The following WDPCP variants were observed in gnomAD, a reference collection of about 807,000 sequenced individuals.
WDPCP encodes WD repeat containing planar cell polarity effector, also known as WD repeat-containing and planar cell polarity effector protein fritz homolog.
A neutral mutation model predicts 93.1 loss-of-function variants in WDPCP; 71 were observed. The observed-to-expected ratio is 0.76, with a 90% CI of 0.63 to 0.93. The LOEUF (loss-of-function observed/expected upper bound fraction) is 0.93. Among genes scored for constraint, WDPCP ranks in the 40% least tolerant of loss-of-function variants. WDPCP has a pLI of 0.00. For missense variants in WDPCP, 844 were observed against 887.4 expected, an observed-to-expected ratio of 0.95 and a Z score of 0.62; for synonymous variants, 315 against 315.0, an observed-to-expected ratio of 1.00 and a Z score of 0.00.
intron 10 of WDPCP, 59 bp from the exon 11 acceptor site, chr2:63,382,153 G>C: frequency 6.6e-7 from 1 of 1,525,254 alleles, no homozygotes. Context: ...ATAACAAAAA[G>C]AGTTAATTTT....
intron 2 of WDPCP, among the ~76,000 whole-genome samples, chr2:63,786,955 T>C (rs1670474408): frequency 6.6e-6 from 1 of 152,180 alleles, no homozygotes; most frequent in Non-Finnish European, 1.5e-5. Context: ...TCAATAAATA[T>C]ATGTCAAATG....
intron 2 of WDPCP, among the ~76,000 whole-genome samples, chr2:63,654,251 G>A (rs1331777990): frequency 6.6e-6 from 1 of 152,124 alleles, no homozygotes; most frequent in Non-Finnish European, 1.5e-5. Flanking sequence ...AAGCTAAAGA[G>A]AAGACAATAA....
chr2:63,249,841 C>CTGTT (rs1433916283), intron 14 of WDPCP, among the ~76,000 whole-genome samples: 2 of 152,196 alleles, frequency 1.3e-5, no homozygotes, highest in African/African-American at 2.4e-5. Context: ...GAACACCTTT[C>CTGTT]TGTTTGTGTC....
intron 2 of WDPCP, among the ~76,000 whole-genome samples, chr2:63,700,282 C>CAA (rs1196006011): frequency 0.011 from 446 of 41,106 alleles, 8 homozygotes; most frequent in African/African-American, 0.014. Flanking sequence ...GACCCTGTCT[C>CAA]AAAAAAAAAA....
At chr2:63,785,316 T>C (rs764542065) in intron 2 of WDPCP, among the ~76,000 whole-genome samples, 3 of 152,194 alleles carry the variant, frequency 2.0e-5, no homozygotes, top group Non-Finnish European at 4.4e-5. Context: ...ACACCTAGGC[T>C]GGCTACTTAG....
chr2:63,635,571 A>T (rs1208917160), intron 3 of WDPCP, among the ~76,000 whole-genome samples: 1 of 152,210 alleles, frequency 6.6e-6, no homozygotes, highest in African/African-American at 2.4e-5. Flanking sequence ...ATCAATAAAG[A>T]TGATACACCA....
At chr2:63,350,476 CA>C (rs33962210) in intron 12 of WDPCP, among the ~76,000 whole-genome samples, 76,697 of 143,876 alleles carry the variant, frequency 0.53, 19,930 homozygotes, top group Admixed American at 0.59. Context: ...CAACGAAACC[CA>C]AAAAAAAAAA....
chr2:63,702,871 C>T (rs1004500108), intron 2 of WDPCP, among the ~76,000 whole-genome samples: 2 of 151,878 alleles, frequency 1.3e-5, no homozygotes, highest in African/African-American at 4.8e-5. Flanking sequence ...TCCCTCCCCT[C>T]TCCCCCCACC....
intron 6 of WDPCP, among the ~76,000 whole-genome samples, chr2:63,481,318 T>G (rs575489581): frequency 6.6e-6 from 1 of 152,228 alleles, no homozygotes; most frequent in East Asian, 1.9e-4. Flanking sequence ...ATAACTACTA[T>G]GGAAAACAGT....
At chr2:63,478,290 A>C (rs1303210057) in intron 6 of WDPCP, among the ~76,000 whole-genome samples, 1 of 152,158 alleles carries the variant, frequency 6.6e-6, no homozygotes, top group African/African-American at 2.4e-5. Flanking sequence ...ATCAAGACCA[A>C]GTCAAAAAAG....
chr2:63,716,890 A>T (rs1038052591), intron 2 of WDPCP, among the ~76,000 whole-genome samples: 7 of 152,268 alleles, frequency 4.6e-5, no homozygotes, highest in African/African-American at 1.4e-4. Context: ...ACAGCCAATC[A>T]GTAGCAGAAC....
At chr2:63,491,902 C>T (rs1018657071) in intron 2 of WDPCP, among the ~76,000 whole-genome samples, 1 of 152,170 alleles carries the variant, frequency 6.6e-6, no homozygotes, top group African/African-American at 2.4e-5. Flanking sequence ...ATTCCTCTTT[C>T]CCTCCCATCT....
intron 2 of WDPCP, among the ~76,000 whole-genome samples, chr2:63,740,380 T>C (rs1273072297): frequency 6.6e-6 from 1 of 152,154 alleles, no homozygotes; most frequent in Non-Finnish European, 1.5e-5. Context: ...AAGAGAGATT[T>C]GACTAGATTT....
At chr2:63,197,895 C>CTT (rs1675578199) in intron 14 of WDPCP, among the ~76,000 whole-genome samples, 1 of 152,124 alleles carries the variant, frequency 6.6e-6, no homozygotes, top group African/African-American at 2.4e-5. Context: ...TCTCTGTAAT[C>CTT]TTAGTTAAAT....
rs896841831 is a variant in WDPCP at position 63,223,914 on chromosome 2, A to G, written c.1915+35393T>C. On this transcript the variant is annotated intron_variant, in intron 14 of 17. Coordinates refer to ENST00000272321, the MANE Select transcript of WDPCP (RefSeq NM_015910.7). ...GGTCTGTTTGTCTATTCTTGCATCAATATCACTATTCAATTACTATAGACT... is the reference window on the plus strand; with the variant it reads ...GGTCTGTTTGTCTATTCTTGCATCAGTATCACTATTCAATTACTATAGACT... 4.6e-5 allele frequency among the ~76,000 whole-genome samples: 7 copies of G among 152,176 alleles called. No individual in the cohort carries two copies. The East Asian group carries it at 9.7e-4, about 21-fold the overall frequency.
Position 63,683,802 on chromosome 2 carries a change from T to C in WDPCP, n.309-32964A>G, listed in dbSNP as rs549989689. Among the ~76,000 whole-genome samples the C allele has an allele frequency of 1.4e-4, 21 of 151,852 alleles. No individual in the cohort carries two copies. In the South Asian group the frequency reaches 3.3e-3, roughly 24 times the overall value. On this transcript the variant is annotated intron_variant and non_coding_transcript_variant, in intron 2 of 4. Coordinates refer to the WDPCP transcript ENST00000467687. Reference sequence around the variant, plus strand: ...AGGCGGAGGTTGCAGTGAGCCAAGATTGTGCCACTGCACTCCAGCCTGGGT... The same window carrying C: ...AGGCGGAGGTTGCAGTGAGCCAAGACTGTGCCACTGCACTCCAGCCTGGGT...
chr2:63,235,881 C>A (rs900454584), intron 14 of WDPCP, among the ~76,000 whole-genome samples: 1 of 152,130 alleles, frequency 6.6e-6, no homozygotes, highest in Non-Finnish European at 1.5e-5. Flanking sequence ...AAACCCACAG[C>A]CAACATCGTA....
At chr2:63,271,314 A>G (rs1682620816) in intron 13 of WDPCP, among the ~76,000 whole-genome samples, 1 of 152,218 alleles carries the variant, frequency 6.6e-6, no homozygotes, top group Non-Finnish European at 1.5e-5. Flanking sequence ...GCACCATCCT[A>G]AGGCCTAAGG....
At chr2:63,504,488 T>C (rs1052512628) in intron 1 of WDPCP, among the ~76,000 whole-genome samples, 1 of 151,962 alleles carries the variant, frequency 6.6e-6, no homozygotes, top group African/African-American at 2.4e-5. Flanking sequence ...CCCCTTAATT[T>C]ATAAATATGG....
Sources: gnomAD v4.1 joint callset for allele counts (sites outside exome capture counted in the v4.1 genomes callset) on GRCh38, gnomAD v4.1.1 for gene constraint, MANE v1.5 for transcripts, NCBI Gene and HGNC (gene_info 2026-07-23, HGNC 2026-07-21) for gene names.